FOXN3: variants seen among roughly 807,000 people sequenced by gnomAD.
The protein encoded by FOXN3 is forkhead box protein N3.
In FOXN3, 7 loss-of-function variants were observed where a neutral mutation model predicts 38.4. The observed-to-expected ratio is 0.18, with a 90% CI of 0.10 to 0.34. The LOEUF is 0.34. Among genes scored for constraint, FOXN3 ranks in the 10% least tolerant of loss-of-function variants. The pLI is 1.00. For synonymous variants in FOXN3, 230 were observed against 242.2 expected (o/e 0.95, Z 0.47); for missense variants, 456 against 613.4 (o/e 0.74, Z 2.71).
At chr14:89,531,154 CAT>C (rs759998921) in intron 1 of FOXN3, among the ~76,000 whole-genome samples, 56 of 149,472 alleles carry the variant, frequency 3.7e-4, no homozygotes, top group Middle Eastern at 3.5e-3. Context: ...TATATATACA[CAT>C]ATATATATGT....
At chr14:89,284,627 C>T in intron 3 of FOXN3, 2 of 453,202 alleles carry the variant, frequency 4.4e-6, no homozygotes, top group Non-Finnish European at 8.9e-6. Flanking sequence ...GACACGCGGG[C>T]TCCTATTAGC....
chr14:89,374,958 CAG>C (rs1410611623), intron 2 of FOXN3, among the ~76,000 whole-genome samples: 2 of 141,916 alleles, frequency 1.4e-5, no homozygotes, highest in Admixed American at 1.5e-4. Context: ...GCCTGAGTGA[CAG>C]AGTGAGACTC....
At chr14:89,201,340 G>A (rs557573519) in intron 4 of FOXN3, among the ~76,000 whole-genome samples, 1 of 152,320 alleles carries the variant, frequency 6.6e-6, no homozygotes, top group South Asian at 2.1e-4. Flanking sequence ...AGGAGAGGGC[G>A]ATTAATGCCG....
intron 3 of FOXN3, among the ~76,000 whole-genome samples, chr14:89,340,405 G>A (rs1405325697): frequency 2.0e-5 from 3 of 152,110 alleles, no homozygotes; most frequent in Non-Finnish European, 4.4e-5. Context: ...TGTCTCAATG[G>A]TTTATGGAGG....
intron 3 of FOXN3, among the ~76,000 whole-genome samples, chr14:89,288,990 T>C (rs1273198454): frequency 1.3e-5 from 2 of 151,388 alleles, no homozygotes; most frequent in African/African-American, 4.8e-5. Context: ...GAGACCAGCC[T>C]GACCAACATG....
chr14:89,221,351 A>C (rs1235137922), intron 4 of FOXN3, among the ~76,000 whole-genome samples: 1 of 152,220 alleles, frequency 6.6e-6, no homozygotes, highest in Non-Finnish European at 1.5e-5. Context: ...CCACGGCAGA[A>C]AAGGAAATGC....
intron 1 of FOXN3, among the ~76,000 whole-genome samples, chr14:89,452,024 G>A (rs915453123): frequency 3.9e-5 from 6 of 152,024 alleles, no homozygotes; most frequent in African/African-American, 1.5e-4. Flanking sequence ...CAACCTAAAA[G>A]TCCCTACCTG....
intron 1 of FOXN3, among the ~76,000 whole-genome samples, chr14:89,544,177 G>A (rs1894841802): frequency 1.3e-5 from 2 of 151,868 alleles, no homozygotes; most frequent in Admixed American, 6.6e-5. Context: ...AAGTAGCTGG[G>A]ACTACAGGTG....
At position 89,263,231 on chromosome 14, in the gene FOXN3, G is replaced by A. The variant is rs986367220; in HGVS notation, c.745+17719C>T. On this transcript the variant is annotated intron_variant, in intron 4 of 5. Coordinates refer to ENST00000557258, the MANE Select transcript of FOXN3 (RefSeq NM_005197.4). ...TAAAGCTTATATAATTTACCAATGT[G>A]TTTTGGCAAAGGCCTTCTCAAGTTT... Among the ~76,000 whole-genome samples the A allele has an allele frequency of 3.8e-4, 58 of 152,154 alleles. 1 individual carries two copies. Among genetic ancestry groups the A allele is most frequent in the Admixed American group, 5.9e-4 (9 of 15,286 alleles).
intron 1 of FOXN3, among the ~76,000 whole-genome samples, chr14:89,443,762 C>T (rs1162416679): frequency 6.6e-6 from 1 of 152,142 alleles, no homozygotes; most frequent in Non-Finnish European, 1.5e-5. Flanking sequence ...GTAATCCCAG[C>T]ACTTTGGGAG....
intron 1 of FOXN3, among the ~76,000 whole-genome samples, chr14:89,498,272 G>A (rs1596297995): frequency 1.5e-5 from 2 of 134,548 alleles, no homozygotes; most frequent in South Asian, 2.3e-4. Flanking sequence ...GCTGGAGTAC[G>A]GTGGTACGAT....
At chr14:89,257,167 G>A (rs1436139453) in intron 4 of FOXN3, among the ~76,000 whole-genome samples, 1 of 152,164 alleles carries the variant, frequency 6.6e-6, no homozygotes, top group Non-Finnish European at 1.5e-5. Flanking sequence ...AACTCATATG[G>A]ACACATGGAC....
chr14:89,452,532 G>A (rs376313215), intron 1 of FOXN3, among the ~76,000 whole-genome samples: 40 of 152,342 alleles, frequency 2.6e-4, no homozygotes, highest in African/African-American at 8.7e-4. Flanking sequence ...TAGGAAATGC[G>A]TGCTCTAAAG....
At chr14:89,564,959 T>C (rs1022973340) in intron 1 of FOXN3, among the ~76,000 whole-genome samples, 1 of 151,710 alleles carries the variant, frequency 6.6e-6, no homozygotes, top group African/African-American at 2.4e-5. Flanking sequence ...CTGGGCGTGA[T>C]GGTGCACTCC....
chr14:89,304,308 G>C (rs550942765), intron 3 of FOXN3, among the ~76,000 whole-genome samples: 1 of 152,236 alleles, frequency 6.6e-6, no homozygotes, highest in Non-Finnish European at 1.5e-5. Flanking sequence ...CCCGGGAAGG[G>C]GCGGGAAGGG....
In FOXN3 at chr14:89,173,653, T is replaced by TA. The variant is rs58398962; in HGVS notation, c.851+7047dup. 4.9e-4 allele frequency among the ~76,000 whole-genome samples: 75 copies of TA among 152,260 alleles called. 1 individual carries two copies. The highest frequency in any genetic ancestry group is 1.8e-3 in the African/African-American group (75 of 41,558). ...AACAAAGAAACCTAATATGAGTTTT[T>TA]AAAAAAACAAAGTTAAGAAAGACAC... On this transcript the variant is annotated intron_variant, in intron 5 of 5. Coordinates refer to ENST00000557258, the MANE Select transcript of FOXN3 (RefSeq NM_005197.4).
chr14:89,464,291 T>C (rs539867261), intron 1 of FOXN3, among the ~76,000 whole-genome samples: 1 of 152,302 alleles, frequency 6.6e-6, no homozygotes, highest in African/African-American at 2.4e-5. Flanking sequence ...CTAAGCTAAC[T>C]TGGAGTTTAG....
chr14:89,586,707 A>C (rs1471180639), intron 1 of FOXN3, among the ~76,000 whole-genome samples: 2 of 152,188 alleles, frequency 1.3e-5, no homozygotes, highest in African/African-American at 2.4e-5. Flanking sequence ...AGGCTCGCCA[A>C]ATGCTCTCCC....
intron 3 of FOXN3, chr14:89,291,088 G>T: frequency 2.0e-6 from 1 of 508,274 alleles, no homozygotes. Flanking sequence ...TGTAAATCAT[G>T]TTTGTAGCCC....
Sources: allele counts gnomAD v4.1 joint callset (sites outside exome capture counted in the v4.1 genomes callset), GRCh38; gene constraint gnomAD v4.1.1; transcripts MANE v1.5; gene names NCBI Gene and HGNC (gene_info 2026-07-23, HGNC 2026-07-21).